The following DOCK8 variants were observed in gnomAD, a reference collection of about 807,000 sequenced individuals.
DOCK8 encodes dedicator of cytokinesis 8.
A neutral mutation model predicts 245.6 loss-of-function variants in DOCK8; 141 were observed. The observed-to-expected ratio is 0.57, with a 90% confidence interval of 0.50 to 0.66. The LOEUF (loss-of-function observed/expected upper bound fraction) is 0.66, where lower values mean the gene tolerates loss of function less well. DOCK8 is among the 30% of genes least tolerant of loss of function. The probability of loss-of-function intolerance (pLI) is 0.00; values close to 1 mark genes in which losing one functional copy is unlikely to be tolerated. For missense variants in DOCK8, 2,965 were observed against 2,603.4 expected (o/e 1.14, Z -3.02); for synonymous variants, 1,168 against 970.2 (o/e 1.20, Z -3.79).
At chr9:431,254 C>G (rs566586748) in intron 36 of DOCK8, among the ~76,000 whole-genome samples, 1 of 152,222 alleles carries the variant, frequency 6.6e-6, no homozygotes, top group Non-Finnish European at 1.5e-5. Flanking sequence ...TTTAGTTTGT[C>G]TAGATTTTGA....
intron 14 of DOCK8, among the ~76,000 whole-genome samples, chr9:340,920 T>G (rs768113670): frequency 7.2e-5 from 11 of 152,220 alleles, no homozygotes; most frequent in Admixed American, 2.6e-4. Context: ...ACCTTTGTTC[T>G]CCTCTGTGCA....
intron 21 of DOCK8, chr9:380,142 G>A: frequency 5.1e-6 from 1 of 197,488 alleles, no homozygotes; most frequent in South Asian, 2.9e-5. Context: ...GAGATGGCAG[G>A]ATCGCTTGGA....
intron 33 of DOCK8, among the ~76,000 whole-genome samples, chr9:423,279 A>G (rs1263556453): frequency 6.6e-6 from 1 of 152,220 alleles, no homozygotes; most frequent in African/African-American, 2.4e-5. Flanking sequence ...ATTGCTATAT[A>G]TGCAACAATT....
At chr9:264,604 T>C (rs11790624) in intron 1 of DOCK8, among the ~76,000 whole-genome samples, 10,580 of 152,268 alleles carry the variant, frequency 0.069, 412 homozygotes, top group African/African-American at 0.1. Context: ...TGAAAATATG[T>C]ATGCATATAT....
intron 33 of DOCK8, 38 bp from the exon 34 acceptor site, chr9:426,847 T>G: frequency 6.3e-7 from 1 of 1,576,460 alleles, no homozygotes; most frequent in Non-Finnish European, 8.7e-7. Flanking sequence ...TGGCCAGGTT[T>G]GACATGCGCT....
intron 21 of DOCK8, among the ~76,000 whole-genome samples, chr9:382,052 A>G (rs927755930): frequency 6.6e-6 from 1 of 152,234 alleles, no homozygotes. Flanking sequence ...ACAGTGCTGT[A>G]TACATCATAT....
At chr9:253,474 C>A (rs1356151908) in intron 1 of DOCK8, among the ~76,000 whole-genome samples, 1 of 152,182 alleles carries the variant, frequency 6.6e-6, no homozygotes. Flanking sequence ...CCACCTCTAC[C>A]ACCTGCAAGA....
At chr9:417,164 G>A (rs917086738) in intron 29 of DOCK8, among the ~76,000 whole-genome samples, 26 of 152,120 alleles carry the variant, frequency 1.7e-4, no homozygotes, top group Non-Finnish European at 3.1e-4. Flanking sequence ...GCGTGGTGGC[G>A]CACCTGTAAT....
At chr9:406,866 C>T in intron 27 of DOCK8, 64 bp from the exon 28 acceptor site, 4 of 1,608,962 alleles carry the variant, frequency 2.5e-6, no homozygotes, top group Non-Finnish European at 2.6e-6. Flanking sequence ...TCAGTAAACA[C>T]TGGCCATCGC....
In DOCK8 at chr9:441,814, C is replaced by A. The variant is rs2057103019; in HGVS notation, c.5356-61C>A. On this transcript the variant is annotated intron_variant, in intron 41 of 47. Transcript: ENST00000432829. ...CACAATGAGAGACCCCTGCCCTTTG[C>A]AACTCAGTGGCTCCTCAGGATGACA... The A allele has an allele frequency of 3.1e-6, 5 of 1,606,286 alleles. No homozygotes were observed. The Admixed American group carries it at 8.3e-5, about 27-fold the overall frequency.
intron 3 of DOCK8, among the ~76,000 whole-genome samples, chr9:287,976 T>A (rs2048890153): frequency 6.6e-6 from 1 of 151,862 alleles, no homozygotes; most frequent in Non-Finnish European, 1.5e-5. Flanking sequence ...GAATTTGAGT[T>A]CAGCCTGGGT....
chr9:375,985 G>T (rs1389435556), intron 18 of DOCK8, among the ~76,000 whole-genome samples: 1 of 152,116 alleles, frequency 6.6e-6, no homozygotes, highest in Non-Finnish European at 1.5e-5. Context: ...GACAGAGTGG[G>T]ACCCTGTCTC....
intron 28 of DOCK8, among the ~76,000 whole-genome samples, chr9:412,683 ATATT>A (rs2055798338): frequency 6.6e-6 from 1 of 152,186 alleles, no homozygotes; most frequent in African/African-American, 2.4e-5. Context: ...CAAAGAAAAA[ATATT>A]TAGGAATAAA....
chr9:329,466 A>T (rs1434850941), intron 9 of DOCK8, among the ~76,000 whole-genome samples: 1 of 152,200 alleles, frequency 6.6e-6, no homozygotes, highest in Non-Finnish European at 1.5e-5. Context: ...CTTTAACACC[A>T]TATAACAAAG....
At chr9:298,638 T>TGA (rs2049378338) in intron 4 of DOCK8, among the ~76,000 whole-genome samples, 1 of 151,844 alleles carries the variant, frequency 6.6e-6, no homozygotes, top group African/African-American at 2.4e-5. Context: ...TGTGTGTGTG[T>TGA]GTGTGTGTGT....
chr9:239,650 A>G (rs2047336266), intron 1 of DOCK8, among the ~76,000 whole-genome samples: 1 of 152,210 alleles, frequency 6.6e-6, no homozygotes. Flanking sequence ...TAAATTATAG[A>G]AAAGTCAGAA....
rs903958146 is a variant in DOCK8, at chr9:340,873, G to A, written c.1679+552G>A. ...TAGTTTAGGATTATAGTGGACATATGTTTTCCAGAGATTAAAAAAAAAATC... is the reference window on the plus strand; with the variant it reads ...TAGTTTAGGATTATAGTGGACATATATTTTCCAGAGATTAAAAAAAAAATC... On this transcript the variant is annotated intron_variant, in intron 14 of 47. Coordinates refer to ENST00000432829, the MANE Select transcript of DOCK8 (RefSeq NM_203447.4). Among the ~76,000 whole-genome samples the A allele has an allele frequency of 7.2e-5, 11 of 152,022 alleles. 1 individual carries two copies. The highest frequency in any genetic ancestry group is 6.6e-4 in the Admixed American group (10 of 15,258).
intron 34 of DOCK8, among the ~76,000 whole-genome samples, chr9:428,027 G>C (rs1035390163): frequency 1.3e-5 from 2 of 152,164 alleles, no homozygotes; most frequent in African/African-American, 4.8e-5. Flanking sequence ...GCCCACAATT[G>C]TGTTTTGCAT....
At chr9:367,178 A>ATC (rs1024690660) in intron 14 of DOCK8, among the ~76,000 whole-genome samples, 73 of 152,360 alleles carry the variant, frequency 4.8e-4, no homozygotes, top group African/African-American at 1.7e-3. Context: ...CTGACTCAGG[A>ATC]TAAGTCCTGT....
Sources: allele counts gnomAD v4.1 joint callset (sites outside exome capture counted in the v4.1 genomes callset), GRCh38; gene constraint gnomAD v4.1.1; transcripts MANE v1.5; gene names NCBI Gene and HGNC (gene_info 2026-07-23, HGNC 2026-07-21).